Variants in BCHE observed in about 807,000 individuals in gnomAD.
BCHE encodes cholinesterase.
BCHE carries 48 observed loss-of-function variants against 51.3 expected under a neutral mutation model. The observed-to-expected ratio is 0.94, with a 90% confidence interval of 0.74 to 1.19. The LOEUF (loss-of-function observed/expected upper bound fraction) is 1.19, where lower values mean the gene tolerates loss of function less well. BCHE is among the 50% of genes most tolerant of loss of function. BCHE has a pLI of 0.00. For synonymous variants in BCHE, 251 were observed against 238.0 expected (o/e 1.05, Z -0.50); for missense variants, 847 against 708.2 (o/e 1.20, Z -2.23).
At chr3:165,796,427 A>T (rs1029180358) in intron 2 of BCHE, among the ~76,000 whole-genome samples, 1 of 152,138 alleles carries the variant, frequency 6.6e-6, no homozygotes, top group African/African-American at 2.4e-5. Flanking sequence ...CTTTACTCTA[A>T]TCATTTGTTT....
intron 2 of BCHE, among the ~76,000 whole-genome samples, chr3:165,828,358 A>C (rs1246325716): frequency 6.6e-6 from 1 of 152,150 alleles, no homozygotes; most frequent in Admixed American, 6.6e-5. Context: ...TGTGAGTTGC[A>C]GCAAGATTAC....
chr3:165,835,876 A>T (rs4680666), intron 1 of BCHE, among the ~76,000 whole-genome samples: 120,017 of 151,810 alleles, frequency 0.79, 47,655 homozygotes, highest in Admixed American at 0.84. Context: ...GTTGCTATCT[A>T]TTCAATTACA....
chr3:165,802,268 C>CT (rs1383594843), intron 2 of BCHE, among the ~76,000 whole-genome samples: 1 of 152,134 alleles, frequency 6.6e-6, no homozygotes, highest in African/African-American at 2.4e-5. Context: ...GAGAGATTAT[C>CT]TTATCAGAGA....
chr3:165,826,143 C>T (rs1211565863), intron 2 of BCHE, among the ~76,000 whole-genome samples: 1 of 152,064 alleles, frequency 6.6e-6, no homozygotes, highest in Non-Finnish European at 1.5e-5. Context: ...ATTCCTCTCA[C>T]TTTTTACTCA....
At chr3:165,809,775 G>A (rs1364635485) in intron 2 of BCHE, among the ~76,000 whole-genome samples, 2 of 152,042 alleles carry the variant, frequency 1.3e-5, no homozygotes, top group African/African-American at 4.8e-5. Context: ...TCTAAGAGAA[G>A]TGTCATGGCT....
intron 2 of BCHE, 92 bp from the exon 3 acceptor site, chr3:165,786,403 A>G (rs1445333317): frequency 8.0e-7 from 1 of 1,242,298 alleles, no homozygotes; most frequent in African/African-American, 1.5e-5. Context: ...CAAGAGCTTT[A>G]AAGAATTTAA....
intron 2 of BCHE, among the ~76,000 whole-genome samples, chr3:165,816,082 A>G (rs1714304905): frequency 6.6e-6 from 1 of 151,940 alleles, no homozygotes; most frequent in African/African-American, 2.4e-5. Context: ...ATAGGTTTCA[A>G]TATGACCTTT....
At chr3:165,831,529 T>C (rs950554444) in intron 1 of BCHE, among the ~76,000 whole-genome samples, 1 of 152,208 alleles carries the variant, frequency 6.6e-6, no homozygotes, top group African/African-American at 2.4e-5. Context: ...GATCAATAGA[T>C]TGTCATTATT....
At chr3:165,776,487 G>GA (rs1712476284) in intron 3 of BCHE, among the ~76,000 whole-genome samples, 4 of 151,628 alleles carry the variant, frequency 2.6e-5, no homozygotes, top group Admixed American at 6.6e-5. Context: ...ATGAGAAAGG[G>GA]AAAAAATAAT....
intron 2 of BCHE, among the ~76,000 whole-genome samples, chr3:165,807,725 T>C (rs1027282605): frequency 2.0e-5 from 3 of 151,570 alleles, no homozygotes; most frequent in African/African-American, 7.3e-5. Flanking sequence ...TGGCAATTTT[T>C]TTTTTGTACA....
intron 3 of BCHE, among the ~76,000 whole-genome samples, chr3:165,784,043 T>G (rs1712812309): frequency 6.6e-6 from 1 of 151,942 alleles, no homozygotes; most frequent in Non-Finnish European, 1.5e-5. Flanking sequence ...TGGGCTTCCA[T>G]CTTGAGTAAG....
chr3:165,797,186 T>TTCCC (rs1308453154), intron 2 of BCHE, among the ~76,000 whole-genome samples: 8 of 98,190 alleles, frequency 8.1e-5, no homozygotes, highest in African/African-American at 2.4e-4. Context: ...CCTTCCCTCC[T>TTCCC]TCGTTCTTCC....
chr3:165,803,943 G>A (rs1158384314), intron 2 of BCHE, among the ~76,000 whole-genome samples: 2 of 151,828 alleles, frequency 1.3e-5, no homozygotes, highest in African/African-American at 4.8e-5. Flanking sequence ...ATCACCCATG[G>A]AATAAACATG....
intron 3 of BCHE, among the ~76,000 whole-genome samples, chr3:165,781,343 C>T (rs1712690869): frequency 6.8e-6 from 1 of 146,242 alleles, no homozygotes; most frequent in African/African-American, 2.5e-5. Context: ...AAAAGCCTAT[C>T]AGTGATAGAC....
intron 1 of BCHE, among the ~76,000 whole-genome samples, chr3:165,835,196 C>T (rs1576674193): frequency 1.3e-5 from 2 of 151,196 alleles, no homozygotes; most frequent in Admixed American, 1.3e-4. Flanking sequence ...GGTGACAAAT[C>T]TTTTTTTGTA....
chr3:165,791,023 C>T (rs1267075874), intron 2 of BCHE, among the ~76,000 whole-genome samples: 1 of 152,094 alleles, frequency 6.6e-6, no homozygotes, highest in Non-Finnish European at 1.5e-5. Context: ...ACTGGCCAGG[C>T]ACGGTGGCTC....
At position 165,773,308 on chromosome 3, in the gene BCHE, G is replaced by C; in HGVS notation, c.*74C>G. 2 of 1,384,464 alleles carry C rather than the reference G, an allele frequency of 1.4e-6. No homozygotes were observed. The highest frequency in any genetic ancestry group is 2.4e-5 in the East Asian group (1 of 42,426). The allele number at this position is 1,384,464 out of a possible 1,614,324, so 85.8% of individuals were successfully genotyped here. On this transcript the variant is annotated 3_prime_UTR_variant, in exon 4 of 4. Coordinates refer to ENST00000264381, the MANE Select transcript of BCHE (RefSeq NM_000055.4). Reference sequence around the variant, plus strand: ...AGCTACATAATAACTTTTTTAGTAGGTGTGTAAAAAAGCTCCTGATATTTT... The same window carrying C: ...AGCTACATAATAACTTTTTTAGTAGCTGTGTAAAAAAGCTCCTGATATTTT...
intron 2 of BCHE, among the ~76,000 whole-genome samples, chr3:165,788,572 T>C (rs771494403): frequency 6.6e-6 from 1 of 152,088 alleles, no homozygotes; most frequent in Non-Finnish European, 1.5e-5. Context: ...AGGCTGGATA[T>C]TAAACCAGGA....
chr3:165,773,389 C>A lies in BCHE; in HGVS notation c.1802G>T (p.Gly601Val), dbSNP rs780688435. ...DYTSKKESCV[G>V]L ...AAAGGGTAAATCTATTAATTAGAGA[C>A]CCACACAACTTTCTTTCTTGCTAGT... is the stretch of plus-strand genomic sequence containing the variant. Residue 601 changes from glycine (G) to valine (V), a missense_variant, in exon 4 of 4, where the codon GGT becomes GTT. Gly to Val is a moderately radical substitution (Grantham distance 109). Coordinates refer to ENST00000264381, the MANE Select transcript of BCHE (RefSeq NM_000055.4). The A allele has an allele frequency of 3.2e-5, 52 of 1,609,916 alleles. No individual in the cohort carries two copies. Among genetic ancestry groups the A allele is most frequent in the Non-Finnish European group, 4.3e-5 (51 of 1,177,320 alleles).
Sources: allele counts gnomAD v4.1 joint callset (sites outside exome capture counted in the v4.1 genomes callset), GRCh38; gene constraint gnomAD v4.1.1; transcripts MANE v1.5; gene names NCBI Gene and HGNC (gene_info 2026-07-23, HGNC 2026-07-21).